Variants in DENND1A observed in about 807,000 individuals in gnomAD.
DENND1A encodes the protein DENN domain-containing protein 1A.
A neutral mutation model predicts 113.7 loss-of-function variants in DENND1A; 51 were observed. That is an observed-to-expected ratio of 0.45 (90% CI 0.36 to 0.57). The LOEUF (loss-of-function observed/expected upper bound fraction) is 0.57. Among genes scored for constraint, DENND1A ranks in the 20% least tolerant of loss-of-function variants. The probability of loss-of-function intolerance (pLI) is 0.00; values close to 1 mark genes in which losing one functional copy is unlikely to be tolerated. For synonymous variants in DENND1A, 565 were observed against 570.8 expected, an observed-to-expected ratio of 0.99 and a Z score of 0.14; for missense variants, 1,258 against 1,395.9, an observed-to-expected ratio of 0.90 and a Z score of 1.57.
chr9:123,767,415 A>G (rs983198992), intron 4 of DENND1A, among the ~76,000 whole-genome samples: 2 of 152,150 alleles, frequency 1.3e-5, no homozygotes, highest in East Asian at 1.9e-4. Context: ...TAAAAAAGAA[A>G]AAAAAAAGGA....
chr9:123,728,931 C>G (rs2067954108), intron 5 of DENND1A, among the ~76,000 whole-genome samples: 1 of 152,188 alleles, frequency 6.6e-6, no homozygotes, highest in African/African-American at 2.4e-5. Context: ...ATCAAGTCAG[C>G]TTCATCCCTG....
chr9:123,708,236 T>C (rs148164981), intron 5 of DENND1A, among the ~76,000 whole-genome samples: 47 of 152,284 alleles, frequency 3.1e-4, no homozygotes, highest in Non-Finnish European at 5.1e-4. Context: ...AGTTGGGCAA[T>C]AGACTCTCCA....
chr9:123,678,572 A>G (rs1250378568), intron 5 of DENND1A, among the ~76,000 whole-genome samples: 1 of 152,232 alleles, frequency 6.6e-6, no homozygotes, highest in Non-Finnish European at 1.5e-5. Flanking sequence ...AGCACCCTGT[A>G]CAGATTACCG....
At chr9:123,478,843 G>A (rs1477107937) in intron 13 of DENND1A, among the ~76,000 whole-genome samples, 3 of 152,232 alleles carry the variant, frequency 2.0e-5, no homozygotes, top group African/African-American at 7.2e-5. Context: ...AACCTCAAGG[G>A]ATGCGAGTGG....
At chr9:123,702,323 A>G (rs2065929865) in intron 5 of DENND1A, among the ~76,000 whole-genome samples, 1 of 152,182 alleles carries the variant, frequency 6.6e-6, no homozygotes, top group Admixed American at 6.5e-5. Context: ...GCATCAAAAG[A>G]GCAAATGTAT....
At chr9:123,649,758 T>C (rs990408778) in intron 9 of DENND1A, among the ~76,000 whole-genome samples, 4 of 152,242 alleles carry the variant, frequency 2.6e-5, no homozygotes, top group African/African-American at 9.6e-5. Context: ...ATCTGTTTTT[T>C]GTGTTTGTAG....
chr9:123,680,320 T>C (rs1409598558), intron 5 of DENND1A, among the ~76,000 whole-genome samples: 3 of 152,226 alleles, frequency 2.0e-5, no homozygotes, highest in African/African-American at 7.2e-5. Flanking sequence ...GTGTTTCATA[T>C]GAGGTAATAA....
intron 11 of DENND1A, among the ~76,000 whole-genome samples, chr9:123,605,908 G>A (rs1229846782): frequency 6.6e-6 from 1 of 152,144 alleles, no homozygotes; most frequent in African/African-American, 2.4e-5. Context: ...CATATGCAAA[G>A]GCATAATAAG....
intron 11 of DENND1A, among the ~76,000 whole-genome samples, chr9:123,597,672 T>A (rs911387646): frequency 6.6e-6 from 1 of 152,194 alleles, no homozygotes; most frequent in Non-Finnish European, 1.5e-5. Context: ...CCCCTCCTCC[T>A]AAGATTAAAC....
intron 2 of DENND1A, chr9:123,843,193 C>A: frequency 1.8e-6 from 1 of 549,058 alleles, no homozygotes; most frequent in Non-Finnish European, 3.7e-6. Context: ...TTTGTAGCTG[C>A]TGTCAATCTA....
At chr9:123,807,366 G>A (rs771331871) in intron 2 of DENND1A, among the ~76,000 whole-genome samples, 6 of 152,098 alleles carry the variant, frequency 3.9e-5, no homozygotes, top group Non-Finnish European at 8.8e-5. Context: ...CCCTGACTAC[G>A]TCAGCCCACA....
intron 5 of DENND1A, among the ~76,000 whole-genome samples, chr9:123,734,930 A>G (rs1364057572): frequency 1.3e-5 from 2 of 152,200 alleles, no homozygotes; most frequent in East Asian, 3.8e-4. Flanking sequence ...ACCAGGCAGC[A>G]TCATACGTTA....
At chr9:123,816,535 A>G (rs1590207270) in intron 2 of DENND1A, among the ~76,000 whole-genome samples, 1 of 152,244 alleles carries the variant, frequency 6.6e-6, no homozygotes, top group East Asian at 1.9e-4. Context: ...AGTGTTTTAC[A>G]AACTTATTAT....
chr9:123,868,239 C>T (rs1846057197), intron 2 of DENND1A, among the ~76,000 whole-genome samples: 1 of 152,210 alleles, frequency 6.6e-6, no homozygotes, highest in Non-Finnish European at 1.5e-5. Context: ...CTGAAGCACT[C>T]AGGGCATAAG....
chr9:123,866,049 A>G (rs1159523049), intron 2 of DENND1A, among the ~76,000 whole-genome samples: 3 of 152,204 alleles, frequency 2.0e-5, no homozygotes, highest in Non-Finnish European at 2.9e-5. Context: ...TTTCCCAAAT[A>G]CTTTTGTCAC....
At chr9:123,676,624 A>G (rs1265692004) in intron 6 of DENND1A, 96 bp downstream of exon 6, 9 of 1,168,156 alleles carry the variant, frequency 7.7e-6, no homozygotes, top group Non-Finnish European at 1.1e-5. Flanking sequence ...ATGGGCATGC[A>G]TCACTTTTTT....
chr9:123,742,236 GA>G (rs11357350), intron 5 of DENND1A, among the ~76,000 whole-genome samples: 10,886 of 132,658 alleles, frequency 0.082, 441 homozygotes, highest in Middle Eastern at 0.13. Flanking sequence ...CAAAGCATGG[GA>G]AAAAAAAAAA....
chr9:123,896,146 A>T (rs538379897), intron 1 of DENND1A, among the ~76,000 whole-genome samples: 10 of 151,700 alleles, frequency 6.6e-5, no homozygotes, highest in Middle Eastern at 3.4e-3. Context: ...AGGAAAAAAT[A>T]AAAAAAAATT....
chr9:123,529,633 T>G (rs1168604880), intron 13 of DENND1A, among the ~76,000 whole-genome samples: 1 of 152,182 alleles, frequency 6.6e-6, no homozygotes, highest in Non-Finnish European at 1.5e-5. Flanking sequence ...GTTTTCTTTC[T>G]CAGAAACAAG....
Sources: allele counts gnomAD v4.1 joint callset (sites outside exome capture counted in the v4.1 genomes callset), GRCh38; gene constraint gnomAD v4.1.1; transcripts MANE v1.5; gene names NCBI Gene and HGNC (gene_info 2026-07-23, HGNC 2026-07-21).